Variants in LRFN2 observed in about 807,000 individuals in gnomAD.
LRFN2 encodes the protein leucine-rich repeat and fibronectin type-III domain-containing protein 2.
In LRFN2, 18 loss-of-function variants were observed where a neutral mutation model predicts 37.3. The ratio of observed to expected loss-of-function variants is 0.48; its 90% CI spans 0.33 to 0.72. LRFN2 has a LOEUF of 0.72. Ranked by LOEUF, LRFN2 falls within the 30% of genes least tolerant of loss-of-function variation. LRFN2 has a pLI of 0.02. For missense variants in LRFN2, 1,006 were observed against 1,060.7 expected (o/e 0.95, Z 0.72); for synonymous variants, 556 against 466.6 (o/e 1.19, Z -2.47).
chr6:40,408,254 C>T (rs1762889758), intron 2 of LRFN2, among the ~76,000 whole-genome samples: 1 of 152,024 alleles, frequency 6.6e-6, no homozygotes, highest in Non-Finnish European at 1.5e-5. Flanking sequence ...TAAAAAATGG[C>T]AAAAAATATC....
chr6:40,446,975 G>A (rs1763985413), intron 1 of LRFN2, among the ~76,000 whole-genome samples: 1 of 150,422 alleles, frequency 6.6e-6, no homozygotes. Context: ...CTGAGGACGA[G>A]GCTGCATCTC....
chr6:40,399,136 C>T (rs1762675799), intron 2 of LRFN2, among the ~76,000 whole-genome samples: 1 of 151,780 alleles, frequency 6.6e-6, no homozygotes, highest in Non-Finnish European at 1.5e-5. Flanking sequence ...GTGGTTTCAC[C>T]CTGTCAGTGA....
At chr6:40,408,681 A>G (rs973007248) in intron 2 of LRFN2, among the ~76,000 whole-genome samples, 1 of 152,220 alleles carries the variant, frequency 6.6e-6, no homozygotes, top group Non-Finnish European at 1.5e-5. Flanking sequence ...TAGGAACACT[A>G]GTACCTACTG....
At chr6:40,496,404 A>G (rs1004632547) in intron 1 of LRFN2, among the ~76,000 whole-genome samples, 1 of 152,180 alleles carries the variant, frequency 6.6e-6, no homozygotes, top group African/African-American at 2.4e-5. Context: ...GGTAAAAGAC[A>G]CAGCCCCCAC....
chr6:40,519,875 A>G (rs1766002495), intron 1 of LRFN2, among the ~76,000 whole-genome samples: 1 of 152,220 alleles, frequency 6.6e-6, no homozygotes, highest in African/African-American at 2.4e-5. Context: ...CATTCATTCA[A>G]TAAACTTGAA....
chr6:40,426,492 G>A (rs1763356131), intron 2 of LRFN2, among the ~76,000 whole-genome samples: 1 of 152,212 alleles, frequency 6.6e-6, no homozygotes, highest in Admixed American at 6.5e-5. Flanking sequence ...AGATGAGCAT[G>A]CATGAATATC....
intron 2 of LRFN2, among the ~76,000 whole-genome samples, chr6:40,417,694 C>T (rs13197208): frequency 0.33 from 49,605 of 151,896 alleles, 9,348 homozygotes; most frequent in Non-Finnish European, 0.4. Flanking sequence ...GTGAGGTTCC[C>T]AGGCTGGGCA....
At chr6:40,578,923 A>G (rs914110434) in intron 1 of LRFN2, among the ~76,000 whole-genome samples, 2 of 152,190 alleles carry the variant, frequency 1.3e-5, no homozygotes, top group African/African-American at 4.8e-5. Flanking sequence ...TCTCCCTGTG[A>G]GAAAGATGCT....
chr6:40,556,657 G>A (rs1477737175), intron 1 of LRFN2, among the ~76,000 whole-genome samples: 1 of 101,184 alleles, frequency 9.9e-6, no homozygotes, highest in African/African-American at 4.9e-5. Context: ...ATTAGAACCA[G>A]GTCTCTCTCT....
At chr6:40,572,238 G>A (rs1767202547) in intron 1 of LRFN2, among the ~76,000 whole-genome samples, 1 of 152,138 alleles carries the variant, frequency 6.6e-6, no homozygotes. Flanking sequence ...AGGTTGTCAT[G>A]GGCAATAAAT....
intron 1 of LRFN2, among the ~76,000 whole-genome samples, chr6:40,503,286 C>T (rs760657140): frequency 3.3e-5 from 5 of 152,116 alleles, no homozygotes; most frequent in South Asian, 2.1e-4. Context: ...ACAGAACAGT[C>T]GGGAGGCTGT....
chr6:40,483,053 A>C (rs920554844), intron 1 of LRFN2, among the ~76,000 whole-genome samples: 7 of 152,246 alleles, frequency 4.6e-5, no homozygotes, highest in African/African-American at 1.7e-4. Context: ...GGTTGAGAAG[A>C]AAGAGTCTGT....
rs1362245404 is a variant in LRFN2, at chr6:40,392,165, G to A, written c.2148C>T (p.Gly716=). 1 of 1,601,686 alleles carries A rather than the reference G, an allele frequency of 6.2e-7. No individual in the cohort carries two copies. Among genetic ancestry groups the A allele is most frequent in the Non-Finnish European group, 8.5e-7 (1 of 1,173,678 alleles). Residue 716 remains glycine (G), a synonymous_variant, in exon 3 of 3, where the codon GGC becomes GGT. Transcript: ENST00000338305. The surrounding 1 kb of genome is among the most constrained non-coding windows in gnomAD (Gnocchi z 4.7). The part of the protein sequence containing the change: ...ARSLLPLPLE[G]KAKRSHSFDM... Reference sequence around the variant, plus strand: ...CGAAGGAGTGGCTGCGTTTGGCCTTGCCCTCCAACGGCAAGGGGAGCAGGC... The same window carrying A: ...CGAAGGAGTGGCTGCGTTTGGCCTTACCCTCCAACGGCAAGGGGAGCAGGC...
chr6:40,558,291 G>A (rs1368249597), intron 1 of LRFN2, among the ~76,000 whole-genome samples: 1 of 152,210 alleles, frequency 6.6e-6, no homozygotes, highest in Non-Finnish European at 1.5e-5. Flanking sequence ...CTCCTGAGGA[G>A]ACATTGCATG....
intron 1 of LRFN2, among the ~76,000 whole-genome samples, chr6:40,552,908 T>G (rs1766803128): frequency 6.6e-6 from 1 of 152,196 alleles, no homozygotes; most frequent in South Asian, 2.1e-4. Context: ...TCTTATCCTA[T>G]TCTCATTTAT....
chr6:40,474,452 G>C (rs1394577306), intron 1 of LRFN2, among the ~76,000 whole-genome samples: 1 of 152,058 alleles, frequency 6.6e-6, no homozygotes, highest in Non-Finnish European at 1.5e-5. Flanking sequence ...ACTAGCATTG[G>C]ATTTAGGGCC....
chr6:40,511,817 G>A (rs1280004423), intron 1 of LRFN2, among the ~76,000 whole-genome samples: 1 of 152,214 alleles, frequency 6.6e-6, no homozygotes, highest in African/African-American at 2.4e-5. Context: ...GTTCTAATAT[G>A]ATGATTCTTT....
At chr6:40,504,334 T>A (rs1765470580) in intron 1 of LRFN2, among the ~76,000 whole-genome samples, 1 of 152,224 alleles carries the variant, frequency 6.6e-6, no homozygotes, top group South Asian at 2.1e-4. Flanking sequence ...TTTAGTTTCC[T>A]CATCTGTAAA....
intron 1 of LRFN2, among the ~76,000 whole-genome samples, chr6:40,494,039 G>A (rs1432383442): frequency 6.6e-6 from 1 of 152,234 alleles, no homozygotes; most frequent in Admixed American, 6.5e-5. Context: ...TCAGAGAGGA[G>A]CTTCTTGCTA....
Sources: allele counts gnomAD v4.1 joint callset (sites outside exome capture counted in the v4.1 genomes callset), GRCh38; gene constraint gnomAD v4.1.1; non-coding constraint Gnocchi (gnomAD v3.1); transcripts MANE v1.5; gene names NCBI Gene and HGNC (gene_info 2026-07-23, HGNC 2026-07-21).